AKAP19: variants seen among roughly 807,000 people sequenced by gnomAD.
The protein encoded by AKAP19 is small A-kinase anchoring protein.
chr2:190,154,304 T>G, the AKAP19 span, among the ~76,000 whole-genome samples: 2 of 152,330 alleles, frequency 1.3e-5, no homozygotes, highest in East Asian at 3.9e-4. Context: ...CCCTTTTGTT[T>G]CTGTTATTCT....
chr2:189,937,182 C>T, the AKAP19 span, among the ~76,000 whole-genome samples: 1 of 151,958 alleles, frequency 6.6e-6, no homozygotes, highest in Non-Finnish European at 1.5e-5. Flanking sequence ...AAAACAATAA[C>T]AGAAAGCTGA....
At chr2:190,182,236 T>C in the AKAP19 span, among the ~76,000 whole-genome samples, 1 of 152,162 alleles carries the variant, frequency 6.6e-6, no homozygotes, top group Non-Finnish European at 1.5e-5. Context: ...GACAATCACT[T>C]AGGAAGCAGT....
the AKAP19 span, among the ~76,000 whole-genome samples, chr2:189,885,506 A>T: frequency 6.6e-6 from 1 of 152,222 alleles, no homozygotes; most frequent in Admixed American, 6.5e-5. Flanking sequence ...CAACTATATG[A>T]GGTAGCTCAA....
At chr2:189,969,683 C>A in the AKAP19 span, among the ~76,000 whole-genome samples, 13 of 143,714 alleles carry the variant, frequency 9.0e-5, no homozygotes, top group Non-Finnish European at 1.5e-4. Context: ...GAGCCAAGAT[C>A]GCACCACTGC....
the AKAP19 span, among the ~76,000 whole-genome samples, chr2:189,978,305 C>T: frequency 6.6e-6 from 1 of 152,040 alleles, no homozygotes; most frequent in Non-Finnish European, 1.5e-5. Context: ...CCTGTGTACA[C>T]ATTGTTTAGC....
chr2:190,059,524 T>C, the AKAP19 span, among the ~76,000 whole-genome samples: 3 of 152,050 alleles, frequency 2.0e-5, no homozygotes, highest in African/African-American at 7.2e-5. Context: ...AATGAACATA[T>C]TTATCTTGAG....
At chr2:189,938,926 A>G in the AKAP19 span, among the ~76,000 whole-genome samples, 3 of 152,170 alleles carry the variant, frequency 2.0e-5, no homozygotes, top group East Asian at 1.9e-4. Context: ...CTTCCCCACA[A>G]TCGGTCCAGC....
chr2:190,015,163 C>G, the AKAP19 span, among the ~76,000 whole-genome samples: 6 of 152,188 alleles, frequency 3.9e-5, no homozygotes, highest in Non-Finnish European at 7.3e-5. Flanking sequence ...TGTGGGGGCT[C>G]CAAACCCACA....
At chr2:190,198,937 T>C in the AKAP19 span, among the ~76,000 whole-genome samples, 2 of 152,156 alleles carry the variant, frequency 1.3e-5, no homozygotes, top group East Asian at 3.9e-4. Context: ...GAATGAGACA[T>C]TTAGGAGGAA....
chr2:190,050,568 T>C, the AKAP19 span, among the ~76,000 whole-genome samples: 1 of 152,216 alleles, frequency 6.6e-6, no homozygotes, highest in Non-Finnish European at 1.5e-5. Context: ...AGTTACATTT[T>C]TATCATTAGT....
chr2:189,892,628 C>T, the AKAP19 span, among the ~76,000 whole-genome samples: 7 of 152,148 alleles, frequency 4.6e-5, no homozygotes, highest in Non-Finnish European at 7.4e-5. Context: ...TGGGCACCTG[C>T]CAGTTGACAG....
At chr2:190,097,921 G>A in the AKAP19 span, among the ~76,000 whole-genome samples, 3 of 150,078 alleles carry the variant, frequency 2.0e-5, no homozygotes, top group African/African-American at 7.4e-5. Context: ...GAAAGAAGCA[G>A]CAGTAAGTCC....
At chr2:190,059,976 A>C in the AKAP19 span, 1 of 1,379,556 alleles carries the variant, frequency 7.2e-7, no homozygotes, top group Non-Finnish European at 1.0e-6. Flanking sequence ...AGCTTAGGGA[A>C]TTTGTAGCTA....
chr2:190,060,413 A>G, the AKAP19 span: 7 of 1,609,970 alleles, frequency 4.3e-6, no homozygotes, highest in Non-Finnish European at 5.1e-6. Context: ...TGGGTTTTCC[A>G]TCCACTTGCA....
the AKAP19 span, among the ~76,000 whole-genome samples, chr2:190,044,922 G>A: frequency 1.3e-5 from 2 of 152,220 alleles, no homozygotes; most frequent in African/African-American, 4.8e-5. Flanking sequence ...CTCACCCAAT[G>A]AGGAGGAATG....
chr2:189,942,263 T>C, the AKAP19 span, among the ~76,000 whole-genome samples: 2 of 140,296 alleles, frequency 1.4e-5, no homozygotes, highest in Non-Finnish European at 2.9e-5. Flanking sequence ...GTGTGTCACC[T>C]CCCCACTCAA....
At chr2:190,032,849 T>C in the AKAP19 span, among the ~76,000 whole-genome samples, 1 of 152,218 alleles carries the variant, frequency 6.6e-6, no homozygotes, top group Non-Finnish European at 1.5e-5. Context: ...TGGAATTTAA[T>C]TTAGAAGCAT....
At chr2:189,976,813 A>G in the AKAP19 span, among the ~76,000 whole-genome samples, 1 of 152,160 alleles carries the variant, frequency 6.6e-6, no homozygotes, top group African/African-American at 2.4e-5. Flanking sequence ...GCCGTTTACT[A>G]AGATTGTTGG....
At chr2:189,983,242 T>A in the AKAP19 span, among the ~76,000 whole-genome samples, 1 of 152,156 alleles carries the variant, frequency 6.6e-6, no homozygotes, top group Non-Finnish European at 1.5e-5. Context: ...GCCACAGTGT[T>A]GCTGCATGCT....
Sources: gnomAD v4.1 joint callset for allele counts (sites outside exome capture counted in the v4.1 genomes callset) on GRCh38, gnomAD v4.1.1 for gene constraint, MANE v1.5 for transcripts, NCBI Gene and HGNC (gene_info 2026-07-23, HGNC 2026-07-21) for gene names.